Variants in SDCCAG8 observed in about 807,000 individuals in gnomAD.
SDCCAG8 encodes serologically defined colon cancer antigen 8.
Under a neutral mutation model 101.8 loss-of-function variants are expected in SDCCAG8, and 74 were observed. The ratio of observed to expected loss-of-function variants is 0.73; its 90% CI spans 0.60 to 0.88. SDCCAG8 has a LOEUF of 0.88. SDCCAG8 is among the 40% of genes least tolerant of loss of function. The pLI, the probability that SDCCAG8 is intolerant of heterozygous loss-of-function variation, is 0.00. For synonymous variants in SDCCAG8, 281 were observed against 292.9 expected (o/e 0.96, Z 0.41); for missense variants, 787 against 822.6 (o/e 0.96, Z 0.53).
chr1:243,465,025 T>C (rs1395442924), intron 16 of SDCCAG8, among the ~76,000 whole-genome samples: 1 of 152,260 alleles, frequency 6.6e-6, no homozygotes, highest in Non-Finnish European at 1.5e-5. Flanking sequence ...CATTTGATCA[T>C]TGTTTCACTT....
intron 15 of SDCCAG8, among the ~76,000 whole-genome samples, chr1:243,422,142 C>A (rs781650789): frequency 6.6e-6 from 1 of 152,154 alleles, no homozygotes; most frequent in Admixed American, 6.5e-5. Flanking sequence ...GGTTTTGCTT[C>A]TTTCTTTTCT....
At chr1:243,425,180 A>G (rs549063717) in intron 15 of SDCCAG8, among the ~76,000 whole-genome samples, 29 of 152,256 alleles carry the variant, frequency 1.9e-4, no homozygotes, top group African/African-American at 7.0e-4. Context: ...CATACAGAAT[A>G]TGGTAGGAAA....
At chr1:243,284,213 G>A (rs919126382) in intron 4 of SDCCAG8, among the ~76,000 whole-genome samples, 1 of 152,208 alleles carries the variant, frequency 6.6e-6, no homozygotes, top group African/African-American at 2.4e-5. Context: ...AAGGAACTGA[G>A]GTAAGTAGGC....
At chr1:243,477,943 A>G (rs528964876) in intron 16 of SDCCAG8, among the ~76,000 whole-genome samples, 14 of 152,374 alleles carry the variant, frequency 9.2e-5, no homozygotes, top group African/African-American at 3.1e-4. Context: ...GAAATTTTCA[A>G]AACAATCAAA....
intron 11 of SDCCAG8, among the ~76,000 whole-genome samples, chr1:243,343,720 T>C (rs954339362): frequency 1.3e-5 from 2 of 152,230 alleles, no homozygotes; most frequent in East Asian, 3.8e-4. Context: ...ATTACAGACC[T>C]AGATATCAAT....
chr1:243,288,439 C>T (rs1016322962), intron 5 of SDCCAG8, among the ~76,000 whole-genome samples: 3 of 152,120 alleles, frequency 2.0e-5, no homozygotes, highest in African/African-American at 7.2e-5. Flanking sequence ...GCACTCCAGC[C>T]TGGGCAACAG....
At chr1:243,451,634 G>A (rs561272293) in intron 16 of SDCCAG8, among the ~76,000 whole-genome samples, 17 of 152,208 alleles carry the variant, frequency 1.1e-4, no homozygotes, top group Non-Finnish European at 1.2e-4. Context: ...ATATACTAAA[G>A]GAAATTTAAG....
chr1:243,309,928 A>T (rs181699848), intron 8 of SDCCAG8, among the ~76,000 whole-genome samples: 9 of 151,902 alleles, frequency 5.9e-5, no homozygotes, highest in Non-Finnish European at 1.2e-4. Context: ...CAGTGGCGCA[A>T]TCTTGGCTCT....
At chr1:243,376,618 T>C (rs2077612941) in intron 12 of SDCCAG8, among the ~76,000 whole-genome samples, 1 of 152,212 alleles carries the variant, frequency 6.6e-6, no homozygotes, top group Non-Finnish European at 1.5e-5. Context: ...CATTTTCTAT[T>C]CTGTCATTCT....
At chr1:243,407,528 G>A (rs1034986883) in intron 13 of SDCCAG8, among the ~76,000 whole-genome samples, 5 of 152,174 alleles carry the variant, frequency 3.3e-5, no homozygotes, top group Admixed American at 2.6e-4. Context: ...TGGGAATTGT[G>A]CATATGTAAT....
intron 16 of SDCCAG8, among the ~76,000 whole-genome samples, chr1:243,480,530 TG>T (rs1663366840): frequency 5.0e-5 from 1 of 19,962 alleles, no homozygotes; most frequent in Non-Finnish European, 9.5e-5. Context: ...GTGGGATGGA[TG>T]GATGGATGGG....
Position 243,438,865 on chromosome 1 carries a change from C to G in SDCCAG8, c.1985+12307C>G, listed in dbSNP as rs2082334223. ...ATTGACATTTTCACCAGTGATTTTG[C>G]TCGCATTATCCAACTACTTCCATTC... On this transcript the variant is annotated intron_variant, in intron 16 of 17. Transcript: ENST00000366541. Among the ~76,000 whole-genome samples the G allele has an allele frequency of 2.0e-5, 3 of 152,150 alleles. No homozygotes were observed. In the East Asian group the frequency reaches 5.8e-4, roughly 29 times the overall value.
intron 1 of SDCCAG8, among the ~76,000 whole-genome samples, chr1:243,257,498 C>T (rs1454729006): frequency 6.6e-6 from 1 of 151,626 alleles, no homozygotes; most frequent in Non-Finnish European, 1.5e-5. Flanking sequence ...TTATAGATTA[C>T]TATGATAGAA....
At chr1:243,336,735 A>G (rs915916750) in intron 10 of SDCCAG8, among the ~76,000 whole-genome samples, 4 of 152,196 alleles carry the variant, frequency 2.6e-5, no homozygotes, top group African/African-American at 9.6e-5. Flanking sequence ...GCAGAAGTCC[A>G]AACCATATCA....
At chr1:243,475,243 G>A (rs1048351882) in intron 16 of SDCCAG8, among the ~76,000 whole-genome samples, 4 of 152,314 alleles carry the variant, frequency 2.6e-5, no homozygotes, top group Middle Eastern at 3.4e-3. Flanking sequence ...ACCAAGAGAC[G>A]GACATATAGC....
chr1:243,485,794 C>T (rs945355833), intron 16 of SDCCAG8, among the ~76,000 whole-genome samples: 6 of 151,600 alleles, frequency 4.0e-5, no homozygotes, highest in Admixed American at 6.6e-5. Context: ...ATCCCAGCTA[C>T]GGCAGGAGAA....
chr1:243,345,171 G>A lies in SDCCAG8; in HGVS notation c.1473+840G>A, dbSNP rs142580347. 3.1e-3 allele frequency among the ~76,000 whole-genome samples: 475 copies of A among 152,174 alleles called. 5 individuals are homozygous for A. The highest frequency in any genetic ancestry group is 0.011 in the African/African-American group (458 of 41,530). On this transcript the variant is annotated intron_variant, in intron 12 of 17. Coordinates refer to ENST00000366541, the MANE Select transcript of SDCCAG8 (RefSeq NM_006642.5). ...TTTTTTTCAAATATGTTTCTAGTTC[G>A]AGGTTTTTCATCATATTTTCCAACA...
chr1:243,363,735 T>C (rs1297020547), intron 12 of SDCCAG8, among the ~76,000 whole-genome samples: 1 of 152,222 alleles, frequency 6.6e-6, no homozygotes, highest in Non-Finnish European at 1.5e-5. Context: ...GCTAGTTTTC[T>C]AATTATCACA....
chr1:243,491,076 C>T (rs942851692), intron 17 of SDCCAG8, among the ~76,000 whole-genome samples: 2 of 152,196 alleles, frequency 1.3e-5, no homozygotes, highest in Admixed American at 6.5e-5. Context: ...TCCGTGGAAG[C>T]TGGAGCACAC....
Sources: gnomAD v4.1 joint callset for allele counts (sites outside exome capture counted in the v4.1 genomes callset) on GRCh38, gnomAD v4.1.1 for gene constraint, MANE v1.5 for transcripts, NCBI Gene and HGNC (gene_info 2026-07-23, HGNC 2026-07-21) for gene names.